XIRP2: variants seen among roughly 807,000 people sequenced by gnomAD.
XIRP2 encodes the protein xin actin binding repeat containing 2.
A neutral mutation model predicts 277.0 loss-of-function variants in XIRP2; 236 were observed. The observed-to-expected ratio is 0.85, with a 90% CI of 0.77 to 0.95. The LOEUF (loss-of-function observed/expected upper bound fraction) is 0.95, where lower values mean the gene tolerates loss of function less well. XIRP2 is among the 40% of genes least tolerant of loss of function. XIRP2 has a pLI of 0.00. For synonymous variants in XIRP2, 1,490 were observed against 1,416.5 expected (o/e 1.05, Z -1.17); for missense variants, 4,640 against 4,157.5 (o/e 1.12, Z -3.19).
rs201676457 is a variant in XIRP2 at position 167,245,889 on chromosome 2, C to T, written c.4497C>T (p.Phe1499=). 82 of 1,613,638 alleles carry T rather than the reference C, an allele frequency of 5.1e-5. No individual in the cohort carries two copies. The highest frequency in any genetic ancestry group is 2.9e-4 in the East Asian group (13 of 44,812). ...QAVWLFENRT[F]DSIMEAHKGI... is the part of the protein sequence containing the mutation. ...TGTGGCTTTTTGAAAATCGAACTTTCGATTCTATTATGGAAGCACATAAAG... is the reference window on the plus strand; with the variant it reads ...TGTGGCTTTTTGAAAATCGAACTTTTGATTCTATTATGGAAGCACATAAAG... Residue 1499 remains phenylalanine, a synonymous_variant, in exon 9 of 11, where the codon TTC becomes TTT. Coordinates refer to ENST00000409195, the MANE Select transcript of XIRP2 (RefSeq NM_152381.6).
chr2:166,966,467 A>G (rs1017861956), intron 2 of XIRP2, among the ~76,000 whole-genome samples: 5 of 151,882 alleles, frequency 3.3e-5, no homozygotes, highest in African/African-American at 1.2e-4. Context: ...ATGTTTTAGT[A>G]TACATATTTG....
intron 2 of XIRP2, among the ~76,000 whole-genome samples, chr2:166,960,589 A>T (rs565955201): frequency 6.6e-6 from 1 of 151,854 alleles, no homozygotes; most frequent in South Asian, 2.1e-4. Context: ...CACTTCAATT[A>T]TCTAAATTAT....
intron 2 of XIRP2, among the ~76,000 whole-genome samples, chr2:167,069,605 A>T (rs1574223250): frequency 6.6e-6 from 1 of 152,024 alleles, no homozygotes; most frequent in Non-Finnish European, 1.5e-5. Flanking sequence ...AAGGAAACTG[A>T]CCGTGTGCAT....
At chr2:167,054,366 A>G (rs1173653624) in intron 2 of XIRP2, among the ~76,000 whole-genome samples, 1 of 152,156 alleles carries the variant, frequency 6.6e-6, no homozygotes, top group African/African-American at 2.4e-5. Flanking sequence ...CTGACCCACT[A>G]GTGGTTCATG....
At chr2:166,957,876 T>C (rs141139017) in intron 2 of XIRP2, among the ~76,000 whole-genome samples, 71 of 151,976 alleles carry the variant, frequency 4.7e-4, no homozygotes, top group Non-Finnish European at 7.7e-4. Context: ...GTAAAAATAT[T>C]CTGCATTGTA....
intron 2 of XIRP2, among the ~76,000 whole-genome samples, chr2:167,072,868 G>A (rs1027820453): frequency 1.2e-4 from 18 of 152,040 alleles, no homozygotes; most frequent in Admixed American, 5.2e-4. Context: ...ACAGAAGGCC[G>A]CATATTTTGC....
chr2:167,135,581 G>A (rs1157510275), intron 2 of XIRP2, among the ~76,000 whole-genome samples: 2 of 151,836 alleles, frequency 1.3e-5, no homozygotes, highest in Non-Finnish European at 2.9e-5. Context: ...CATTTCTCAG[G>A]CCTAGAAAGT....
chr2:167,243,047 G>A lies in XIRP2; in HGVS notation c.1655G>A (p.Ser552Asn). 6.2e-7 allele frequency: 1 copy of A among 1,614,038 alleles called. No homozygotes were observed. Among genetic ancestry groups the A allele is most frequent in the Non-Finnish European group, 8.5e-7 (1 of 1,179,988 alleles). ...TATGTTTTTGAAAACACAAATGACAGTTCTCAAAAAGATCTGAACTCAGAA... is the reference window on the plus strand; with the variant it reads ...TATGTTTTTGAAAACACAAATGACAATTCTCAAAAAGATCTGAACTCAGAA... ...ARYVFENTNDSSQKDLNSERE... is the reference protein window; with the variant it reads ...ARYVFENTNDNSQKDLNSERE... The change falls in exon 9 of 11, where the codon AGT (serine) becomes AAT (asparagine). Residue 552 changes from serine (S) to asparagine (N), a missense_variant. Coordinates refer to ENST00000409195, the MANE Select transcript of XIRP2 (RefSeq NM_152381.6).
At chr2:167,117,438 A>C (rs1253144058) in intron 2 of XIRP2, among the ~76,000 whole-genome samples, 5 of 152,212 alleles carry the variant, frequency 3.3e-5, no homozygotes, top group Admixed American at 3.3e-4. Context: ...CAAGAAAAAA[A>C]ATCATCCATT....
At chr2:167,182,488 G>T (rs889454038) in intron 3 of XIRP2, among the ~76,000 whole-genome samples, 7 of 152,088 alleles carry the variant, frequency 4.6e-5, no homozygotes, top group African/African-American at 1.7e-4. Flanking sequence ...ATTTATTATG[G>T]GGAAGAGTTG....
chr2:167,151,487 C>T (rs898264563), intron 3 of XIRP2, among the ~76,000 whole-genome samples: 2 of 152,054 alleles, frequency 1.3e-5, no homozygotes, highest in Non-Finnish European at 2.9e-5. Flanking sequence ...GATAGGAAAA[C>T]ATTCTCTAAG....
chr2:167,048,086 A>C (rs1466987465), intron 2 of XIRP2, among the ~76,000 whole-genome samples: 1 of 151,990 alleles, frequency 6.6e-6, no homozygotes, highest in Admixed American at 6.6e-5. Context: ...AGGTTTTAAC[A>C]TATAAATTTT....
At chr2:167,110,098 A>G (rs1028341446) in intron 2 of XIRP2, among the ~76,000 whole-genome samples, 2 of 152,128 alleles carry the variant, frequency 1.3e-5, no homozygotes, top group African/African-American at 4.8e-5. Context: ...CATAGTTTGT[A>G]AATATTTTCT....
chr2:166,914,575 C>G (rs982140793), intron 2 of XIRP2, among the ~76,000 whole-genome samples: 1 of 152,056 alleles, frequency 6.6e-6, no homozygotes, highest in Non-Finnish European at 1.5e-5. Flanking sequence ...CTCCTGACCT[C>G]GAGTGATCCA....
intron 2 of XIRP2, among the ~76,000 whole-genome samples, chr2:166,975,921 A>G (rs1316944781): frequency 8.5e-6 from 1 of 118,338 alleles, no homozygotes; most frequent in African/African-American, 3.4e-5. Flanking sequence ...ACAGAGCGAG[A>G]CTCCGTCTCA....
At chr2:167,065,478 T>A (rs1022089122) in intron 2 of XIRP2, among the ~76,000 whole-genome samples, 2 of 151,880 alleles carry the variant, frequency 1.3e-5, no homozygotes, top group Non-Finnish European at 2.9e-5. Context: ...TTCAGTCAGT[T>A]GACTGTATCC....
chr2:167,144,772 A>G (rs1691818955), intron 3 of XIRP2, among the ~76,000 whole-genome samples: 1 of 152,120 alleles, frequency 6.6e-6, no homozygotes, highest in African/African-American at 2.4e-5. Flanking sequence ...GCCTTTTGGG[A>G]TATGGCATCA....
intron 3 of XIRP2, among the ~76,000 whole-genome samples, chr2:167,204,281 G>A (rs1266555605): frequency 6.6e-6 from 1 of 152,136 alleles, no homozygotes; most frequent in Non-Finnish European, 1.5e-5. Flanking sequence ...CTAACCATCT[G>A]GGAATATTAT....
rs561805003 is a variant in XIRP2, at chr2:166,984,514, T to A, written c.408+80624T>A. Among the ~76,000 whole-genome samples the A allele has an allele frequency of 5.3e-5, 8 of 152,220 alleles. No homozygotes were observed. In the South Asian group the frequency reaches 1.7e-3, roughly 32 times the overall value. On this transcript the variant is annotated intron_variant, in intron 2 of 10. Transcript: ENST00000409195. ...TAAAGATTACTATAAAATAATATTATAAGACAAAATATAAAGATCACAAAT... is the reference window on the plus strand; with the variant it reads ...TAAAGATTACTATAAAATAATATTAAAAGACAAAATATAAAGATCACAAAT...
Sources: allele counts gnomAD v4.1 joint callset (sites outside exome capture counted in the v4.1 genomes callset), GRCh38; gene constraint gnomAD v4.1.1; transcripts MANE v1.5; gene names NCBI Gene and HGNC (gene_info 2026-07-23, HGNC 2026-07-21).